The following AGAP1 variants were observed in gnomAD, a reference collection of about 807,000 sequenced individuals.
AGAP1 encodes arf-GAP with GTPase, ANK repeat and PH domain-containing protein 1.
AGAP1 carries 29 observed loss-of-function variants against 105.3 expected under a neutral mutation model. That is an observed-to-expected ratio of 0.28 (90% CI 0.21 to 0.38). The LOEUF (loss-of-function observed/expected upper bound fraction) is 0.38. AGAP1 is among the 10% of genes least tolerant of loss of function. The pLI is 1.00. For synonymous variants in AGAP1, 509 were observed against 485.9 expected, an observed-to-expected ratio of 1.05 and a Z score of -0.63; for missense variants, 998 against 1,165.1, an observed-to-expected ratio of 0.86 and a Z score of 2.09.
intron 16 of AGAP1, among the ~76,000 whole-genome samples, chr2:236,064,526 G>A (rs1032103783): frequency 3.9e-5 from 6 of 152,200 alleles, no homozygotes; most frequent in Non-Finnish European, 7.3e-5. Context: ...AACTCGGGAG[G>A]CGGAGGTTGC....
chr2:235,807,805 C>T (rs991626990), intron 9 of AGAP1, among the ~76,000 whole-genome samples: 3 of 152,204 alleles, frequency 2.0e-5, no homozygotes, highest in Admixed American at 6.5e-5. Flanking sequence ...GGTGTGTCAG[C>T]TGTGCGCTCT....
Position 235,852,842 on chromosome 2 carries a change from A to G in AGAP1, c.1051-30503A>G, listed in dbSNP as rs2048533254. ...ACAATCAGCCCAGCTGTCCGGGGCC[A>G]TGATGAATTAGCGGTGGGAGTTAAC... On this transcript the variant is annotated intron_variant, in intron 9 of 17. Coordinates refer to ENST00000304032, the MANE Select transcript of AGAP1 (RefSeq NM_001037131.3). The G allele has an allele frequency of 4.1e-6, 6 of 1,468,572 alleles. No individual in the cohort carries two copies. The African/African-American group carries it at 4.2e-5, about 10-fold the overall frequency. 91.0% of individuals were successfully genotyped at this position (1,468,572 alleles called of 1,614,324 possible). A position where few individuals can be genotyped will look rare whatever the true frequency, so the allele number is the denominator to read the frequency against.
At chr2:236,091,608 C>CA (rs576296924) in intron 16 of AGAP1, among the ~76,000 whole-genome samples, 1 of 151,906 alleles carries the variant, frequency 6.6e-6, no homozygotes, top group African/African-American at 2.4e-5. Flanking sequence ...TCCGTCTCTA[C>CA]AAAAAAATAC....
rs189166606 is a variant in AGAP1 at position 235,963,090 on chromosome 2, G to T, written c.1484-5372G>T. ...CTGTGGTGGTCTCTTAGAGGAAGGT[G>T]GGTGGTGGTATTTCCAAGTGCTGTC... On this transcript the variant is annotated intron_variant, in intron 12 of 17. Coordinates refer to ENST00000304032, the MANE Select transcript of AGAP1 (RefSeq NM_001037131.3). The surrounding 1 kb of genome is among the most constrained non-coding windows in gnomAD (Gnocchi z 5.1). Among the ~76,000 whole-genome samples the T allele has an allele frequency of 7.8e-3, 1,188 of 152,308 alleles. 8 individuals are homozygous for T. The highest frequency in any genetic ancestry group is 0.018 in the African/African-American group (741 of 41,562).
Position 235,732,869 on chromosome 2 carries a change from T to C in AGAP1, c.311-8094T>C, listed in dbSNP as rs1425309758. 6.6e-6 allele frequency among the ~76,000 whole-genome samples: 1 copy of C among 152,174 alleles called. No individual in the cohort carries two copies. The highest frequency in any genetic ancestry group is 1.5e-5 in the Non-Finnish European group (1 of 68,024). ...CTGGACGAGATGGGCCAGACCATTCTACCCACACTCCCATTTGCCAGACCT... is the reference window on the plus strand; with the variant it reads ...CTGGACGAGATGGGCCAGACCATTCCACCCACACTCCCATTTGCCAGACCT... On this transcript the variant is annotated intron_variant, in intron 3 of 17. Transcript: ENST00000304032. The surrounding 1 kb of genome is among the most constrained non-coding windows in gnomAD (Gnocchi z 4.8).
chr2:235,854,445 C>T (rs1300176606), intron 9 of AGAP1, among the ~76,000 whole-genome samples: 1 of 152,234 alleles, frequency 6.6e-6, no homozygotes, highest in East Asian at 1.9e-4. Context: ...GCCACTCCTG[C>T]CAGCTCACCT....
At chr2:236,052,685 T>C (rs1304363313) in intron 16 of AGAP1, among the ~76,000 whole-genome samples, 2 of 152,176 alleles carry the variant, frequency 1.3e-5, no homozygotes, top group Admixed American at 1.3e-4. Context: ...AAAATCTTTT[T>C]GGATGGATTC....
At chr2:235,885,146 T>A (rs903349466) in intron 10 of AGAP1, among the ~76,000 whole-genome samples, 1 of 152,236 alleles carries the variant, frequency 6.6e-6, no homozygotes, top group Admixed American at 6.5e-5. Context: ...CTTCACATTT[T>A]AGGGTGCATA....
intron 9 of AGAP1, among the ~76,000 whole-genome samples, chr2:235,820,077 A>G (rs181859187): frequency 4.5e-4 from 68 of 151,050 alleles, no homozygotes; most frequent in African/African-American, 8.7e-4. Flanking sequence ...CTAATTTTCT[A>G]TTTTTCATAG....
At chr2:235,767,901 C>T (rs1014972388) in intron 6 of AGAP1, among the ~76,000 whole-genome samples, 1 of 150,072 alleles carries the variant, frequency 6.7e-6, no homozygotes, top group Admixed American at 6.7e-5. Context: ...TCTCCTGCCT[C>T]AGCCTCCCAA....
chr2:235,504,629 G>A (rs751936474), intron 1 of AGAP1, among the ~76,000 whole-genome samples: 4 of 152,152 alleles, frequency 2.6e-5, no homozygotes, highest in Non-Finnish European at 4.4e-5. Context: ...TCTGTCGGGT[G>A]TGTGCTGGGC....
chr2:235,700,596 T>G lies in AGAP1; in HGVS notation c.164-8583T>G, dbSNP rs547979269. Among the ~76,000 whole-genome samples, 270 of 152,116 alleles carry G rather than the reference T, an allele frequency of 1.8e-3. No homozygotes were observed. Among genetic ancestry groups the G allele is most frequent in the Non-Finnish European group, 2.7e-3 (181 of 67,994 alleles). Reference sequence around the variant, plus strand: ...AGGTGGATCATTTGAAGTCAGGAGTTCCAGACCAGCCTGGGGAACATGGCG... The same window carrying G: ...AGGTGGATCATTTGAAGTCAGGAGTGCCAGACCAGCCTGGGGAACATGGCG... On this transcript the variant is annotated intron_variant, in intron 1 of 17. Coordinates refer to ENST00000304032, the MANE Select transcript of AGAP1 (RefSeq NM_001037131.3). The surrounding 1 kb of genome is among the most constrained non-coding windows in gnomAD (Gnocchi z 6.1).
At chr2:235,895,735 A>G (rs1275781053) in intron 10 of AGAP1, among the ~76,000 whole-genome samples, 3 of 142,742 alleles carry the variant, frequency 2.1e-5, no homozygotes, top group African/African-American at 8.7e-5. Context: ...GGATGGATGG[A>G]TGGATGGATG....
rs1955845062 is a variant in AGAP1 at position 235,776,180 on chromosome 2, A to C, written c.674-21579A>C. 2.0e-5 allele frequency among the ~76,000 whole-genome samples: 3 copies of C among 152,174 alleles called. No homozygotes were observed. In the South Asian group the frequency reaches 6.2e-4, roughly 32 times the overall value. On this transcript the variant is annotated intron_variant, in intron 6 of 17. Transcript: ENST00000304032. Reference sequence around the variant, plus strand: ...TTTCAAAATTCTGGTCACAGTGTCTAGGATGTGGTGAATTCTCCATCAGTG... The same window carrying C: ...TTTCAAAATTCTGGTCACAGTGTCTCGGATGTGGTGAATTCTCCATCAGTG...
At chr2:235,844,401 G>A (rs1348712700) in intron 9 of AGAP1, among the ~76,000 whole-genome samples, 1 of 152,144 alleles carries the variant, frequency 6.6e-6, no homozygotes, top group African/African-American at 2.4e-5. Flanking sequence ...TTCCCGGATG[G>A]TCCTGGTGTT....
At chr2:235,783,793 T>C (rs763382667) in intron 6 of AGAP1, among the ~76,000 whole-genome samples, 10 of 152,158 alleles carry the variant, frequency 6.6e-5, no homozygotes, top group Non-Finnish European at 1.3e-4. Context: ...TGGCTTGGGT[T>C]ACACGGCATC....
chr2:235,948,304 T>C (rs553301898), intron 12 of AGAP1, among the ~76,000 whole-genome samples: 2 of 152,226 alleles, frequency 1.3e-5, no homozygotes, highest in South Asian at 2.1e-4. Flanking sequence ...CACCTCAGCC[T>C]CCGGAGAACC....
chr2:235,512,012 G>GAC (rs377514517), intron 1 of AGAP1, among the ~76,000 whole-genome samples: 69,785 of 141,322 alleles, frequency 0.49, 16,753 homozygotes, highest in Admixed American at 0.59. Context: ...GTGTGACTGT[G>GAC]TGAATGTGTG....
chr2:236,003,106 G>A lies in AGAP1; in HGVS notation c.1646-33455G>A, dbSNP rs1023319561. 1.3e-5 allele frequency among the ~76,000 whole-genome samples: 2 copies of A among 152,186 alleles called. No individual in the cohort carries two copies. Among genetic ancestry groups the A allele is most frequent in the African/African-American group, 2.4e-5 (1 of 41,428 alleles). On this transcript the variant is annotated intron_variant, in intron 13 of 17. Coordinates refer to ENST00000304032, the MANE Select transcript of AGAP1 (RefSeq NM_001037131.3). This position sits in a 1 kb window ranked among gnomAD's most constrained non-coding sequence, Gnocchi z 4.2. ...TGCCCAGGCTGGAGTGCAGTGGCACGGTCTCAGCTCTTACTGCAGCCTCTG... is the reference window on the plus strand; with the variant it reads ...TGCCCAGGCTGGAGTGCAGTGGCACAGTCTCAGCTCTTACTGCAGCCTCTG...
Sources: gnomAD v4.1 joint callset for allele counts (sites outside exome capture counted in the v4.1 genomes callset) on GRCh38, gnomAD v4.1.1 for gene constraint, Gnocchi (gnomAD v3.1) non-coding constraint, MANE v1.5 for transcripts, NCBI Gene and HGNC (gene_info 2026-07-23, HGNC 2026-07-21) for gene names.